COL8A1: variants seen among roughly 807,000 people sequenced by gnomAD.
COL8A1 encodes collagen type VIII alpha 1 chain.
Under a neutral mutation model 42.7 loss-of-function variants are expected in COL8A1, and 21 were observed. That is an observed-to-expected ratio of 0.49 (90% CI 0.35 to 0.71). The LOEUF (loss-of-function observed/expected upper bound fraction) is 0.71, where lower values mean the gene tolerates loss of function less well. Among genes scored for constraint, COL8A1 ranks in the 30% least tolerant of loss-of-function variants. The pLI is 0.01. For missense variants in COL8A1, 788 were observed against 962.4 expected (o/e 0.82, Z 2.40); for synonymous variants, 367 against 369.1 (o/e 0.99, Z 0.06).
At chr3:99,744,318 A>G (rs1388006555) in intron 1 of COL8A1, among the ~76,000 whole-genome samples, 1 of 152,250 alleles carries the variant, frequency 6.6e-6, no homozygotes, top group Non-Finnish European at 1.5e-5. Flanking sequence ...TCTGAAATAC[A>G]TTTTAATTGG....
At chr3:99,692,171 TGTAATTCAATTATGA>T (rs1360830797) in intron 1 of COL8A1, among the ~76,000 whole-genome samples, 1 of 152,106 alleles carries the variant, frequency 6.6e-6, no homozygotes, top group Non-Finnish European at 1.5e-5. Context: ...CACCACCAAG[TGTAATTCAATTATGA>T]AAACTGGCAG....
chr3:99,711,692 G>A (rs1939839846), intron 1 of COL8A1, among the ~76,000 whole-genome samples: 1 of 152,090 alleles, frequency 6.6e-6, no homozygotes, highest in South Asian at 2.1e-4. Context: ...TCACATCACG[G>A]CTTAGCAGCA....
chr3:99,690,462 T>C (rs940825314), intron 1 of COL8A1, among the ~76,000 whole-genome samples: 5 of 152,172 alleles, frequency 3.3e-5, no homozygotes, highest in African/African-American at 7.2e-5. Context: ...TCTAGGGTAA[T>C]GGATATTTTA....
chr3:99,737,559 C>G (rs1376316281), intron 1 of COL8A1, among the ~76,000 whole-genome samples: 1 of 152,242 alleles, frequency 6.6e-6, no homozygotes, highest in South Asian at 2.1e-4. Context: ...TTGGCCCCCA[C>G]TCTCTTCTGG....
intron 2 of COL8A1, among the ~76,000 whole-genome samples, chr3:99,782,989 T>C (rs1941823180): frequency 6.6e-6 from 1 of 152,136 alleles, no homozygotes; most frequent in Non-Finnish European, 1.5e-5. Flanking sequence ...GCTGACACTA[T>C]TCCAGTTAGA....
intron 2 of COL8A1, among the ~76,000 whole-genome samples, chr3:99,787,996 T>C (rs1353808020): frequency 1.3e-5 from 2 of 152,162 alleles, no homozygotes; most frequent in Non-Finnish European, 2.9e-5. Context: ...AAACCCACTA[T>C]CACAATTTCT....
chr3:99,744,077 C>T (rs941991835), intron 1 of COL8A1, among the ~76,000 whole-genome samples: 30 of 152,172 alleles, frequency 2.0e-4, no homozygotes, highest in Admixed American at 1.4e-3. Flanking sequence ...TACAGGCACC[C>T]GCCACCACAC....
chr3:99,659,500 C>G (rs1042530628), intron 1 of COL8A1, among the ~76,000 whole-genome samples: 2 of 152,218 alleles, frequency 1.3e-5, no homozygotes, highest in African/African-American at 4.8e-5. Context: ...GAATACTCCT[C>G]TGAGGAAAAC....
chr3:99,671,932 T>C (rs1165325141), intron 1 of COL8A1, among the ~76,000 whole-genome samples: 6 of 152,048 alleles, frequency 3.9e-5, no homozygotes, highest in Admixed American at 3.9e-4. Context: ...GAAAAGCAAG[T>C]ATTCAATTAT....
chr3:99,757,499 G>A (rs143619273), intron 2 of COL8A1, among the ~76,000 whole-genome samples: 23 of 152,196 alleles, frequency 1.5e-4, no homozygotes, highest in African/African-American at 5.3e-4. Flanking sequence ...CTACATAATT[G>A]TCAGGCTGGT....
At chr3:99,710,789 G>C (rs1374820637) in intron 1 of COL8A1, among the ~76,000 whole-genome samples, 1 of 152,150 alleles carries the variant, frequency 6.6e-6, no homozygotes, top group African/African-American at 2.4e-5. Flanking sequence ...ATGGCTAAGT[G>C]GTAAAGTTAA....
intron 1 of COL8A1, among the ~76,000 whole-genome samples, chr3:99,649,028 T>C (rs954509304): frequency 8.5e-5 from 13 of 152,150 alleles, no homozygotes; most frequent in Admixed American, 3.3e-4. Context: ...CATTCTGTTA[T>C]GCTTTTTGGC....
intron 1 of COL8A1, among the ~76,000 whole-genome samples, chr3:99,732,527 C>T (rs1940544938): frequency 6.6e-6 from 1 of 152,102 alleles, no homozygotes; most frequent in Non-Finnish European, 1.5e-5. Flanking sequence ...CTCATGAGCA[C>T]TCACTCACTA....
chr3:99,684,900 T>C (rs1318250282), intron 1 of COL8A1, among the ~76,000 whole-genome samples: 1 of 152,192 alleles, frequency 6.6e-6, no homozygotes, highest in Non-Finnish European at 1.5e-5. Flanking sequence ...TATCATCCTA[T>C]TTGCTGGCGT....
chr3:99,751,553 A>C (rs1255507488), intron 2 of COL8A1, among the ~76,000 whole-genome samples: 2 of 152,166 alleles, frequency 1.3e-5, no homozygotes, highest in East Asian at 3.8e-4. Context: ...AGTGAGACTG[A>C]AAAAAAGAAA....
At position 99,788,734 on chromosome 3, in the gene COL8A1, T is replaced by C. The variant is rs994219285; in HGVS notation, c.-3-1946T>C. ...CAAGGAATAAGTACTGATCTTTGAG[T>C]GAAAAAAGCAAAAAATAGAAGTGTG... is the stretch of plus-strand genomic sequence containing the variant. On this transcript the variant is annotated intron_variant, in intron 2 of 3. Transcript: ENST00000652472. Among the ~76,000 whole-genome samples, 5 of 152,102 alleles carry C rather than the reference T, an allele frequency of 3.3e-5. No individual in the cohort carries two copies. In the South Asian group the frequency reaches 6.2e-4, roughly 19 times the overall value.
At chr3:99,710,796 T>A (rs1308888575) in intron 1 of COL8A1, among the ~76,000 whole-genome samples, 1 of 152,212 alleles carries the variant, frequency 6.6e-6, no homozygotes, top group Non-Finnish European at 1.5e-5. Context: ...AGTGGTAAAG[T>A]TAACATCCAA....
intron 1 of COL8A1, among the ~76,000 whole-genome samples, chr3:99,676,468 C>T (rs1021431563): frequency 6.6e-6 from 1 of 151,908 alleles, no homozygotes; most frequent in African/African-American, 2.4e-5. Context: ...TGTAATTTAC[C>T]ACATTAATAA....
At chr3:99,713,302 T>C (rs1202098108) in intron 1 of COL8A1, among the ~76,000 whole-genome samples, 2 of 152,082 alleles carry the variant, frequency 1.3e-5, no homozygotes, top group Non-Finnish European at 2.9e-5. Context: ...CCCTTCAATC[T>C]TCCACCACTT....
Sources: allele counts gnomAD v4.1 joint callset (sites outside exome capture counted in the v4.1 genomes callset), GRCh38; gene constraint gnomAD v4.1.1; transcripts MANE v1.5; gene names NCBI Gene and HGNC (gene_info 2026-07-23, HGNC 2026-07-21).